Variants in RYR1 observed in about 807,000 individuals in gnomAD.
RYR1 encodes the protein central core disease of muscle.
In RYR1, 342 loss-of-function variants were observed where a neutral mutation model predicts 583.5. The ratio of observed to expected loss-of-function variants is 0.59; its 90% CI spans 0.54 to 0.64. The LOEUF (loss-of-function observed/expected upper bound fraction) is 0.64, where lower values mean the gene tolerates loss of function less well. Among genes scored for constraint, RYR1 ranks in the 30% least tolerant of loss-of-function variants. RYR1 has a pLI of 0.00. For synonymous variants in RYR1, 2,791 were observed against 2,822.5 expected, an observed-to-expected ratio of 0.99 and a Z score of 0.35; for missense variants, 6,032 against 6,917.2, an observed-to-expected ratio of 0.87 and a Z score of 4.54.
chr19:38,540,397 G>A (rs1972146895), intron 84 of RYR1, among the ~76,000 whole-genome samples: 1 of 135,120 alleles, frequency 7.4e-6, no homozygotes, highest in Non-Finnish European at 1.6e-5. Context: ...ATATACTACA[G>A]TATAATAAAC....
intron 69 of RYR1, 170 bp downstream of exon 69, chr19:38,523,479 C>A (rs941738872): frequency 4.3e-6 from 3 of 699,176 alleles, no homozygotes; most frequent in South Asian, 3.3e-5. Context: ...CCAGCTCCTT[C>A]CTCCTCCTGT....
Position 38,532,544 on chromosome 19 carries a change from G to A in RYR1, c.11193+3G>A, listed in dbSNP as rs886054400. ...CCTATGCTGATATCATGGCAAAGGT[G>A]AGGCCCTACCCCCCTCTTCTGGGGC... On this transcript the variant is annotated splice_donor_region_variant and intron_variant, in intron 77 of 105. Transcript: ENST00000359596. 6.8e-6 allele frequency: 11 copies of A among 1,614,084 alleles called. No homozygotes were observed. The highest frequency in any genetic ancestry group is 9.3e-6 in the Non-Finnish European group (11 of 1,180,040).
At chr19:38,518,380 T>G in intron 66 of RYR1, among the ~76,000 whole-genome samples, 2 of 134,798 alleles carry the variant, frequency 1.5e-5, no homozygotes, top group African/African-American at 5.7e-5. Context: ...GGCAACATGG[T>G]GAAACCTCGT....
intron 13 of RYR1, among the ~76,000 whole-genome samples, chr19:38,453,806 G>C (rs927815892): frequency 1.3e-5 from 2 of 151,978 alleles, no homozygotes; most frequent in African/African-American, 4.8e-5. Flanking sequence ...ATTGGAGCAG[G>C]GAGGCTTGGG....
chr19:38,548,108 G>C, intron 88 of RYR1, 125 bp from the exon 89 acceptor site: 6 of 1,018,660 alleles, frequency 5.9e-6, no homozygotes, highest in Non-Finnish European at 9.0e-6. Flanking sequence ...CCTGTGGAGG[G>C]GAGGCTGTGG....
At position 38,512,998 on chromosome 19, in the gene RYR1, AG is replaced by A. The variant is rs1227070438; in HGVS notation, c.9472+518del. On this transcript the variant is annotated intron_variant, in intron 63 of 105. Coordinates refer to ENST00000359596, the MANE Select transcript of RYR1 (RefSeq NM_000540.3). This position sits in a 1 kb window ranked among gnomAD's most constrained non-coding sequence, Gnocchi z 5.1. ...CTCTAAAATAAATAAATAATAAAAT[AG>A]GGTCCTTGATGTTAAAAAAGAGAGT... is the stretch of plus-strand genomic sequence containing the variant. Among the ~76,000 whole-genome samples the A allele has an allele frequency of 2.6e-5, 4 of 152,010 alleles. No individual in the cohort carries two copies. Among genetic ancestry groups the A allele is most frequent in the Non-Finnish European group, 5.9e-5 (4 of 67,998 alleles).
chr19:38,567,543 C>T (rs1285113489), intron 92 of RYR1, among the ~76,000 whole-genome samples: 3 of 152,132 alleles, frequency 2.0e-5, no homozygotes, highest in Non-Finnish European at 2.9e-5. Flanking sequence ...TCCATCCCAG[C>T]CCCGACCACT....
chr19:38,442,304 G>C (rs755530044), intron 2 of RYR1, 45 bp from the exon 3 acceptor site: 12 of 1,264,512 alleles, frequency 9.5e-6, no homozygotes, highest in East Asian at 2.3e-5. Flanking sequence ...TTGCTGGGGT[G>C]GGGGGGTCTT....
Position 38,504,773 on chromosome 19 carries a change from T to C in RYR1, c.8093T>C (p.Met2698Thr), listed in dbSNP as rs185021599. The change falls in exon 51 of 106, where the codon ATG becomes ACG. Residue 2698 changes from methionine to threonine, a missense_variant. Around this residue, in one of 11 missense-constraint regions of RYR1, gnomAD observed 1,493 missense variants for 1,715.5 expected, o/e 0.87. Coordinates refer to ENST00000359596, the MANE Select transcript of RYR1 (RefSeq NM_000540.3). ...HKKYDPELYRMAMPCLCAIAG... is the reference protein window; with the variant it reads ...HKKYDPELYRTAMPCLCAIAG... ...AAATACGACCCGGAGCTGTACCGCA[T>C]GGCCATGCCTTGTCTGTGCGCCATT... 25 of 1,614,192 alleles carry C rather than the reference T, an allele frequency of 1.5e-5. No homozygotes were observed. In the East Asian group the frequency reaches 5.6e-4, roughly 36 times the overall value.
intron 49 of RYR1, 24 bp from the exon 50 acceptor site, chr19:38,504,196 T>C: frequency 6.2e-7 from 1 of 1,600,772 alleles, no homozygotes; most frequent in East Asian, 2.3e-5. Context: ...CTCATTTGTG[T>C]GTCCCCCTCT....
intron 12 of RYR1, among the ~76,000 whole-genome samples, chr19:38,452,154 A>G (rs1301336886): frequency 8.0e-6 from 1 of 124,254 alleles, no homozygotes; most frequent in Admixed American, 8.5e-5. Context: ...AAAAAAAATT[A>G]GGCTGGGCAC....
At chr19:38,489,734 T>C (rs931069752) in intron 35 of RYR1, among the ~76,000 whole-genome samples, 1 of 152,210 alleles carries the variant, frequency 6.6e-6, no homozygotes, top group Non-Finnish European at 1.5e-5. Flanking sequence ...GTTCAAGCAA[T>C]TCTCCTGCCT....
At position 38,565,045 on chromosome 19, in the gene RYR1, C is replaced by T. The variant is rs925859982; in HGVS notation, c.12711C>T (p.Cys4237=). 12 of 1,577,262 alleles carry T rather than the reference C, an allele frequency of 7.6e-6. No individual in the cohort carries two copies. The highest frequency in any genetic ancestry group is 3.7e-5 in the Admixed American group (2 of 54,496). Residue 4237 remains cysteine, a synonymous_variant, in exon 91 of 106, where the codon TGC becomes TGT. Coordinates refer to ENST00000359596, the MANE Select transcript of RYR1 (RefSeq NM_000540.3). This position sits in a 1 kb window ranked among gnomAD's most constrained non-coding sequence, Gnocchi z 4.7. ...AEKMELFVSF[C]EDTIFEMQIA... ...AGATGGAGCTCTTCGTGAGTTTCTG[C>T]GAGGACACCATCTTCGAGATGCAGA... is the stretch of plus-strand genomic sequence containing the variant.
intron 27 of RYR1, among the ~76,000 whole-genome samples, chr19:38,472,169 G>A (rs1388884439): frequency 6.6e-6 from 1 of 152,148 alleles, no homozygotes; most frequent in Non-Finnish European, 1.5e-5. Context: ...CAAGATCTCA[G>A]CTCCCCACAA....
At chr19:38,462,859 C>CCGT (rs1283261869) in intron 20 of RYR1, among the ~76,000 whole-genome samples, 2 of 150,680 alleles carry the variant, frequency 1.3e-5, no homozygotes, top group African/African-American at 4.9e-5. Flanking sequence ...GGAGACAGAC[C>CCGT]CGTCCCAGAT....
At chr19:38,532,402 C>A in intron 76 of RYR1, 88 bp from the exon 77 acceptor site, 1 of 1,334,806 alleles carries the variant, frequency 7.5e-7, no homozygotes, top group Non-Finnish European at 1.1e-6. Context: ...GGATTACAGG[C>A]ATGAGCCACC....
At chr19:38,571,762 CA>C (rs1382423378) in intron 94 of RYR1, among the ~76,000 whole-genome samples, 1 of 152,182 alleles carries the variant, frequency 6.6e-6, no homozygotes, top group African/African-American at 2.4e-5. Flanking sequence ...TATTAGTGGG[CA>C]GTCTCTTTAG....
chr19:38,503,005 G>A (rs769850257), intron 49 of RYR1, 35 bp downstream of exon 49: 4 of 1,596,900 alleles, frequency 2.5e-6, no homozygotes, highest in Non-Finnish European at 3.4e-6. Context: ...CTCATTTCCA[G>A]GCCGCACCCA....
At chr19:38,440,112 G>C (rs1972603683) in intron 1 of RYR1, among the ~76,000 whole-genome samples, 1 of 152,108 alleles carries the variant, frequency 6.6e-6, no homozygotes, top group Non-Finnish European at 1.5e-5. Flanking sequence ...GTCCCACTTT[G>C]AGCTTCAGTT....
Sources: gnomAD v4.1 joint callset for allele counts (sites outside exome capture counted in the v4.1 genomes callset) on GRCh38, gnomAD v4.1.1 for gene constraint, gnomAD v4.1.1 regional missense constraint, Gnocchi (gnomAD v3.1) non-coding constraint, MANE v1.5 for transcripts, NCBI Gene and HGNC (gene_info 2026-07-23, HGNC 2026-07-21) for gene names.